NUMA1: variants seen among roughly 807,000 people sequenced by gnomAD.
NUMA1 encodes SP-H antigen.
In NUMA1, 62 loss-of-function variants were observed where a neutral mutation model predicts 237.1. That is an observed-to-expected ratio of 0.26 (90% confidence interval 0.21 to 0.32). NUMA1 has a LOEUF of 0.32. Ranked by LOEUF, NUMA1 falls within the 10% of genes least tolerant of loss-of-function variation. NUMA1 has a pLI of 1.00. For synonymous variants in NUMA1, 1,028 were observed against 1,066.1 expected (o/e 0.96, Z 0.70); for missense variants, 2,533 against 2,666.5 (o/e 0.95, Z 1.10).
intron 2 of NUMA1, among the ~76,000 whole-genome samples, chr11:72,052,162 G>A (rs536893076): frequency 7.2e-5 from 11 of 152,304 alleles, no homozygotes; most frequent in African/African-American, 2.2e-4. Context: ...AGCATATAGG[G>A]GCGTGGGAAA....
At chr11:72,060,004 T>A (rs548435189) in intron 2 of NUMA1, among the ~76,000 whole-genome samples, 144 of 152,338 alleles carry the variant, frequency 9.5e-4, no homozygotes, top group Non-Finnish European at 1.7e-3. Flanking sequence ...CATTCTTATT[T>A]CTTATGAAAG....
At chr11:72,035,045 C>T (rs1186724835) in intron 3 of NUMA1, among the ~76,000 whole-genome samples, 1 of 152,100 alleles carries the variant, frequency 6.6e-6, no homozygotes, top group Non-Finnish European at 1.5e-5. Flanking sequence ...TTTGTAGAGA[C>T]AGGTTTTTGC....
chr11:72,014,617 G>A lies in NUMA1; in HGVS notation c.2886C>T (p.Ser962=), dbSNP rs1247620597. The change falls in exon 15 of 27, where the codon AGC becomes AGT. Residue 962 remains serine (S), a synonymous_variant. Transcript: ENST00000393695. The surrounding 1 kb of genome is among the most constrained non-coding windows in gnomAD (Gnocchi z 4.6). The part of the protein sequence containing the change: ...LEEQQGRQFC[S]TQAALQAMER... ...CCATAGCCTGCAGCGCTGCCTGTGT[G>A]CTGCAGAACTGGCGTCCCTGTTGCT... 6.2e-7 allele frequency: 1 copy of A among 1,608,734 alleles called. No individual in the cohort carries two copies. Among genetic ancestry groups the A allele is most frequent in the Non-Finnish European group, 8.5e-7 (1 of 1,180,014 alleles).
In NUMA1 at chr11:72,016,050, G is replaced by A; in HGVS notation, c.1453C>T (p.Leu485=). The change falls in exon 15 of 27, where the codon CTG becomes TTG. Residue 485 remains leucine (L), a synonymous_variant. Coordinates refer to ENST00000393695, the MANE Select transcript of NUMA1 (RefSeq NM_006185.4). ...CCATGAGCCTGGGAGGCCTGCTCCAGCTCTTCCTTGGCCTGGCTGAGGTTG... is the reference window on the plus strand; with the variant it reads ...CCATGAGCCTGGGAGGCCTGCTCCAACTCTTCCTTGGCCTGGCTGAGGTTG... The part of the protein sequence containing the change: ...ISNLSQAKEE[L]EQASQAHGAR... 1 of 1,614,122 alleles carries A rather than the reference G, an allele frequency of 6.2e-7. No individual in the cohort carries two copies.
At chr11:72,069,237 G>A (rs1943338854) in intron 2 of NUMA1, among the ~76,000 whole-genome samples, 1 of 152,150 alleles carries the variant, frequency 6.6e-6, no homozygotes, top group Non-Finnish European at 1.5e-5. Flanking sequence ...GGCCCTGGAA[G>A]AAATCTTCAA....
chr11:72,034,239 T>A (rs1940717172), intron 3 of NUMA1, among the ~76,000 whole-genome samples: 1 of 152,204 alleles, frequency 6.6e-6, no homozygotes, highest in Non-Finnish European at 1.5e-5. Context: ...TGTCAAGAAC[T>A]ATGATTTATT....
At chr11:72,056,773 A>T (rs1387364221) in intron 2 of NUMA1, among the ~76,000 whole-genome samples, 1 of 152,060 alleles carries the variant, frequency 6.6e-6, no homozygotes, top group Admixed American at 6.6e-5. Context: ...TTATATAAGG[A>T]TGTACAAAAT....
intron 1 of NUMA1, chr11:72,070,116 G>C (rs1367689568): frequency 6.6e-6 from 1 of 152,176 alleles, no homozygotes; most frequent in Non-Finnish European, 1.5e-5. Flanking sequence ...CTGGCCTTCT[G>C]TGGCAAGACT....
chr11:72,004,312 G>A lies in NUMA1; in HGVS notation c.6036C>T (p.Arg2012=), dbSNP rs767168431. The A allele has an allele frequency of 1.2e-6, 2 of 1,613,286 alleles. No individual in the cohort carries two copies. Among genetic ancestry groups the A allele is most frequent in the African/African-American group, 1.3e-5 (1 of 74,924 alleles). Residue 2012 remains arginine, a synonymous_variant, in exon 25 of 27, where the codon CGC becomes CGT. Coordinates refer to ENST00000393695, the MANE Select transcript of NUMA1 (RefSeq NM_006185.4). ...ESKKATSCFP[R]PMTPRDRHEG... ...CATGTCGGTCTCGGGGAGTCATGGGGCGTGGGAAACAGCTGGTGGCCTTCT... is the reference window on the plus strand; with the variant it reads ...CATGTCGGTCTCGGGGAGTCATGGGACGTGGGAAACAGCTGGTGGCCTTCT...
chr11:72,010,866 A>G lies in NUMA1; in HGVS notation c.4651-12T>C, dbSNP rs751131357. On this transcript the variant is annotated splice_polypyrimidine_tract_variant and intron_variant, in intron 16 of 26. Coordinates refer to ENST00000393695, the MANE Select transcript of NUMA1 (RefSeq NM_006185.4). ...CTCAGTTCTTCCACCTGGGGAGGGA[A>G]GAGGAGGACAGAAGACTCAGGAGGA... The G allele has an allele frequency of 6.2e-7, 1 of 1,613,072 alleles. No individual in the cohort carries two copies. The highest frequency in any genetic ancestry group is 1.3e-5 in the African/African-American group (1 of 74,914).
At chr11:72,057,307 T>C (rs1027100404) in intron 2 of NUMA1, among the ~76,000 whole-genome samples, 5 of 152,234 alleles carry the variant, frequency 3.3e-5, no homozygotes, top group Non-Finnish European at 7.3e-5. Flanking sequence ...GTTCCTTCAA[T>C]GCTCGTTCTC....
chr11:72,056,738 T>C (rs1477804179), intron 2 of NUMA1, among the ~76,000 whole-genome samples: 1 of 149,820 alleles, frequency 6.7e-6, no homozygotes, highest in Non-Finnish European at 1.5e-5. Flanking sequence ...TCTCAAACAG[T>C]AGCTACATAT....
intron 3 of NUMA1, among the ~76,000 whole-genome samples, chr11:72,030,475 T>C (rs1940159031): frequency 6.6e-6 from 1 of 152,204 alleles, no homozygotes; most frequent in Non-Finnish European, 1.5e-5. Flanking sequence ...CAGATAGGCA[T>C]ACATTTAAAT....
At chr11:72,032,207 T>A (rs558461600) in intron 3 of NUMA1, among the ~76,000 whole-genome samples, 97 of 152,046 alleles carry the variant, frequency 6.4e-4, no homozygotes, top group African/African-American at 2.0e-3. Flanking sequence ...CAGATTAAAA[T>A]TTTTTTTAAC....
chr11:72,055,195 T>A (rs1942570583), intron 2 of NUMA1, among the ~76,000 whole-genome samples: 1 of 152,254 alleles, frequency 6.6e-6, no homozygotes, highest in African/African-American at 2.4e-5. Context: ...ATGACTATTA[T>A]TTGTGTATGG....
chr11:72,021,825 G>A (rs1433332329), intron 7 of NUMA1, among the ~76,000 whole-genome samples: 1 of 152,062 alleles, frequency 6.6e-6, no homozygotes, highest in Non-Finnish European at 1.5e-5. Context: ...TGTTACCCAG[G>A]CTGATCTTGA....
At position 72,015,429 on chromosome 11, in the gene NUMA1, T is replaced by C. The variant is rs750142039; in HGVS notation, c.2074A>G (p.Arg692Gly). ...SEQQKATEKE[R>G]VAQEKDQLQE... ...AGCTGGTCCTTCTCCTGGGCCACCCTTTCTTTCTCAGTTGCTTTTTGCTGC... is the reference window on the plus strand; with the variant it reads ...AGCTGGTCCTTCTCCTGGGCCACCCCTTCTTTCTCAGTTGCTTTTTGCTGC... The change falls in exon 15 of 27, where the codon AGG (arginine) becomes GGG (glycine). Residue 692 changes from arginine (R) to glycine (G), a missense_variant. Transcript: ENST00000393695. This position sits in a 1 kb window ranked among gnomAD's most constrained non-coding sequence, Gnocchi z 4.0. The C allele has an allele frequency of 1.2e-6, 2 of 1,611,958 alleles. No homozygotes were observed. The highest frequency in any genetic ancestry group is 1.7e-6 in the Non-Finnish European group (2 of 1,180,040).
intron 3 of NUMA1, 48 bp from the exon 4 acceptor site, chr11:72,029,338 GT>G: frequency 2.1e-6 from 2 of 954,212 alleles, no homozygotes. Context: ...AAGCAACATG[GT>G]TTGCTCCTTT....
intron 1 of NUMA1, among the ~76,000 whole-genome samples, chr11:72,071,931 G>A (rs1390247053): frequency 6.6e-6 from 1 of 152,040 alleles, no homozygotes; most frequent in Non-Finnish European, 1.5e-5. Context: ...TATATACTCA[G>A]CTCTGTGACA....
Sources: allele counts gnomAD v4.1 joint callset (sites outside exome capture counted in the v4.1 genomes callset), GRCh38; gene constraint gnomAD v4.1.1; non-coding constraint Gnocchi (gnomAD v3.1); transcripts MANE v1.5; gene names NCBI Gene and HGNC (gene_info 2026-07-23, HGNC 2026-07-21).